The following AZIN2 variants were observed in gnomAD, a reference collection of about 807,000 sequenced individuals.
AZIN2 encodes the protein ODC antizyme inhibitor-2.
AZIN2 carries 28 observed loss-of-function variants against 47.8 expected under a neutral mutation model. The observed-to-expected ratio is 0.59, with a 90% CI of 0.43 to 0.80. AZIN2 has a LOEUF of 0.80. AZIN2 is among the 30% of genes least tolerant of loss of function. AZIN2 has a pLI of 0.00. For missense variants in AZIN2, 535 were observed against 582.5 expected (o/e 0.92, Z 0.84); for synonymous variants, 221 against 239.4 (o/e 0.92, Z 0.71).
rs1175131088 is a variant in AZIN2 at position 33,081,250 on chromosome 1, C to T, written c.-450C>T. 1 of 153,116 alleles carries T rather than the reference C, an allele frequency of 6.5e-6. No individual in the cohort carries two copies. Among genetic ancestry groups the T allele is most frequent in the Non-Finnish European group, 1.5e-5 (1 of 68,420 alleles). The allele number at this position is 153,116 out of a possible 1,614,324, so 9.5% of individuals were successfully genotyped here. On this transcript the variant is annotated 5_prime_UTR_variant, in exon 1 of 12. Coordinates refer to ENST00000294517, the MANE Select transcript of AZIN2 (RefSeq NM_052998.4). The surrounding 1 kb of genome is among the most constrained non-coding windows in gnomAD (Gnocchi z 4.2). Reference sequence around the variant, plus strand: ...GGAGGCGCCGAGGATCCGATTCACTCCCTGGGGAGACCTATGGGCCGAAGC... The same window carrying T: ...GGAGGCGCCGAGGATCCGATTCACTTCCTGGGGAGACCTATGGGCCGAAGC...
In AZIN2 at chr1:33,094,837, C is replaced by G. The variant is rs146276913; in HGVS notation, c.753+124C>G. On this transcript the variant is annotated intron_variant, in intron 8 of 11. Transcript: ENST00000294517. ...CACTGCATGCAGTGCTTGGTGCTTA[C>G]CTGGGTGATCTCACTGCTTATTAAC... The G allele has an allele frequency of 2.9e-5, 30 of 1,021,892 alleles. No homozygotes were observed. The African/African-American group carries it at 4.6e-4, about 16-fold the overall frequency. The allele number at this position is 1,021,892 out of a possible 1,614,324, so 63.3% of individuals were successfully genotyped here.
the AZIN2 span, among the ~76,000 whole-genome samples, chr1:33,160,983 G>A: frequency 6.6e-6 from 1 of 152,214 alleles, no homozygotes; most frequent in Non-Finnish European, 1.5e-5. Context: ...AAGGGCACAG[G>A]TTTGGTGCCT....
At chr1:33,115,251 C>G (rs1328368249) in intron 10 of AZIN2, among the ~76,000 whole-genome samples, 1 of 152,158 alleles carries the variant, frequency 6.6e-6, no homozygotes, top group East Asian at 1.9e-4. Flanking sequence ...AAATGAGGAA[C>G]CCCCTGCCCT....
At chr1:33,148,223 C>G in the AZIN2 span, among the ~76,000 whole-genome samples, 5 of 152,184 alleles carry the variant, frequency 3.3e-5, no homozygotes, top group Non-Finnish European at 7.3e-5. Context: ...CTGCCCCACA[C>G]CTTCCCCGAC....
At chr1:33,158,353 G>A in the AZIN2 span, 1 of 1,613,758 alleles carries the variant, frequency 6.2e-7, no homozygotes, top group Non-Finnish European at 8.5e-7. Flanking sequence ...TGGTCTCATG[G>A]ATTTTTCCCT....
rs1430765566 is a variant in AZIN2, at chr1:33,113,127, C to T, written c.1030-4775C>T. 2.6e-5 allele frequency among the ~76,000 whole-genome samples: 4 copies of T among 152,094 alleles called. No individual in the cohort carries two copies. Among genetic ancestry groups the T allele is most frequent in the Admixed American group, 6.6e-5 (1 of 15,264 alleles). ...CCAAATACCTGGGACTACAGGCGCC[C>T]GCCACCATGCCTGGAGAGATGGGGT... On this transcript the variant is annotated intron_variant, in intron 10 of 11. Transcript: ENST00000294517. This position sits in a 1 kb window ranked among gnomAD's most constrained non-coding sequence, Gnocchi z 4.1.
the AZIN2 span, among the ~76,000 whole-genome samples, chr1:33,150,707 G>A: frequency 2.0e-3 from 306 of 152,286 alleles, no homozygotes; most frequent in African/African-American, 7.1e-3. Context: ...GTGGAATGTG[G>A]GCAATTCCCA....
At chr1:33,153,496 C>G in the AZIN2 span, among the ~76,000 whole-genome samples, 1 of 152,204 alleles carries the variant, frequency 6.6e-6, no homozygotes, top group Non-Finnish European at 1.5e-5. Flanking sequence ...CTACTGGCAT[C>G]TAATGGATAG....
intron 10 of AZIN2, among the ~76,000 whole-genome samples, chr1:33,116,776 T>G (rs1450713395): frequency 1.3e-5 from 2 of 152,142 alleles, no homozygotes; most frequent in African/African-American, 4.8e-5. Flanking sequence ...TTAGCTGAGA[T>G]CTAAAGGAGA....
Position 33,081,835 on chromosome 1 carries a change from G to A in AZIN2, c.-73+23G>A. The A allele has an allele frequency of 3.7e-6, 1 of 271,990 alleles. No individual in the cohort carries two copies. The highest frequency in any genetic ancestry group is 7.2e-6 in the Non-Finnish European group (1 of 138,396). 16.8% of individuals were successfully genotyped at this position (271,990 alleles called of 1,614,324 possible). Reference sequence around the variant, plus strand: ...TAGGTGGGCGTGGTCAAGACTGGGGGCGCCCTGGAAACTTCCCCACCCAAG... The same window carrying A: ...TAGGTGGGCGTGGTCAAGACTGGGGACGCCCTGGAAACTTCCCCACCCAAG... On this transcript the variant is annotated intron_variant, in intron 3 of 11. Coordinates refer to ENST00000294517, the MANE Select transcript of AZIN2 (RefSeq NM_052998.4). This position sits in a 1 kb window ranked among gnomAD's most constrained non-coding sequence, Gnocchi z 4.2.
intron 5 of AZIN2, among the ~76,000 whole-genome samples, chr1:33,089,813 A>G (rs1313512428): frequency 1.3e-5 from 2 of 152,256 alleles, no homozygotes; most frequent in African/African-American, 4.8e-5. Flanking sequence ...AAAAGTTGCT[A>G]AATTAAAATT....
chr1:33,108,423 G>A (rs1464991318), intron 10 of AZIN2, among the ~76,000 whole-genome samples: 2 of 150,050 alleles, frequency 1.3e-5, no homozygotes, highest in East Asian at 2.0e-4. Flanking sequence ...GCTCACTGCA[G>A]TCTCTGCCTC....
Position 33,118,030 on chromosome 1 carries a change from C to A in AZIN2, c.1158C>A (p.Asn386Lys). The A allele has an allele frequency of 6.3e-7, 1 of 1,577,344 alleles. No homozygotes were observed. Among genetic ancestry groups the A allele is most frequent in the Non-Finnish European group, 8.6e-7 (1 of 1,163,174 alleles). The change falls in exon 11 of 12, where the codon AAC becomes AAA. Residue 386 changes from asparagine to lysine, a missense_variant. Asn to Lys is a moderately conservative substitution (Grantham distance 94, BLOSUM62 0). Transcript: ENST00000294517. ...TAGGGGACTGGCTGGTCTTTGACAA[C>A]ATGGGCGCCTACACTGTGGGCATGG... is the stretch of plus-strand genomic sequence containing the variant. ...LHVGDWLVFDNMGAYTVGMGS... is the reference protein window; with the variant it reads ...LHVGDWLVFDKMGAYTVGMGS...
intron 7 of AZIN2, 63 bp from the exon 8 acceptor site, chr1:33,094,485 T>A: frequency 6.5e-7 from 1 of 1,528,802 alleles, no homozygotes. Flanking sequence ...CATTCTTGGC[T>A]GGGGCTCAGG....
chr1:33,102,423 C>T (rs1245683791), intron 10 of AZIN2, among the ~76,000 whole-genome samples: 1 of 152,184 alleles, frequency 6.6e-6, no homozygotes, highest in Admixed American at 6.5e-5. Flanking sequence ...CCTCTCCAGT[C>T]AGGTACCTGT....
the AZIN2 span, among the ~76,000 whole-genome samples, chr1:33,158,635 C>T: frequency 6.6e-6 from 1 of 152,182 alleles, no homozygotes; most frequent in Non-Finnish European, 1.5e-5. Context: ...TACAGATGCT[C>T]AGCACAGTGC....
chr1:33,144,595 A>G, the AZIN2 span, among the ~76,000 whole-genome samples: 1 of 152,268 alleles, frequency 6.6e-6, no homozygotes, highest in South Asian at 2.1e-4. Context: ...TATAGTACTC[A>G]GTAAGACTTC....
In AZIN2 at chr1:33,113,000, G is replaced by T. The variant is rs909776641; in HGVS notation, c.1030-4902G>T. On this transcript the variant is annotated intron_variant, in intron 10 of 11. Transcript: ENST00000294517. ...ATTTATTTATTTTTTTTGAGACGGC[G>T]TCTCGCTCTGTTGCCCAGGCTGGAG... Among the ~76,000 whole-genome samples the T allele has an allele frequency of 2.0e-5, 3 of 151,960 alleles. No individual in the cohort carries two copies. In the East Asian group the frequency reaches 5.8e-4, roughly 29 times the overall value.
chr1:33,098,306 G>A (rs1342386290), intron 10 of AZIN2, 127 bp downstream of exon 10: 10 of 676,940 alleles, frequency 1.5e-5, no homozygotes, highest in Admixed American at 3.3e-5. Flanking sequence ...CAAGGATGAC[G>A]AAGGTTATCA....
Sources: allele counts gnomAD v4.1 joint callset (sites outside exome capture counted in the v4.1 genomes callset), GRCh38; gene constraint gnomAD v4.1.1; non-coding constraint Gnocchi (gnomAD v3.1); transcripts MANE v1.5; gene names NCBI Gene and HGNC (gene_info 2026-07-23, HGNC 2026-07-21).